Variants in KPNA6 observed in about 807,000 individuals in gnomAD.
KPNA6 encodes karyopherin subunit alpha 6.
KPNA6 carries 9 observed loss-of-function variants against 72.0 expected under a neutral mutation model. The ratio of observed to expected loss-of-function variants is 0.13; its 90% CI spans 0.08 to 0.22. The LOEUF is 0.22. KPNA6 is among the 10% of genes least tolerant of loss of function. The pLI, the probability that KPNA6 is intolerant of heterozygous loss-of-function variation, is 1.00. For synonymous variants in KPNA6, 219 were observed against 242.1 expected (o/e 0.90, Z 0.89); for missense variants, 374 against 655.7 (o/e 0.57, Z 4.69).
Position 32,149,926 on chromosome 1 carries a change from CTTACGGT to C in KPNA6, c.5-4659_5-4653del, listed in dbSNP as rs531976726. ...TTAAAAATGTTTTGTTGTTTTCTGACTTACGGTTTCTGACAAGAAGCTAGGCCATTCT... is the reference window on the plus strand; with the variant it reads ...TTAAAAATGTTTTGTTGTTTTCTGACTTCTGACAAGAAGCTAGGCCATTCT... On this transcript the variant is annotated intron_variant, in intron 1 of 13. Coordinates refer to ENST00000373625, the MANE Select transcript of KPNA6 (RefSeq NM_012316.5). Among the ~76,000 whole-genome samples, 46 of 152,018 alleles carry C rather than the reference CTTACGGT, an allele frequency of 3.0e-4. No homozygotes were observed. The East Asian group carries it at 6.0e-3, about 20-fold the overall frequency.
At chr1:32,162,329 C>T (rs748315683) in intron 8 of KPNA6, 32 bp from the exon 9 acceptor site, 4 of 1,550,724 alleles carry the variant, frequency 2.6e-6, no homozygotes, top group Non-Finnish European at 3.5e-6. Context: ...GTCTTGTTCC[C>T]CTGTGAGTCT....
At chr1:32,121,348 G>A (rs1189378447) in intron 1 of KPNA6, among the ~76,000 whole-genome samples, 1 of 152,194 alleles carries the variant, frequency 6.6e-6, no homozygotes, top group Non-Finnish European at 1.5e-5. Context: ...TCCTATGCCT[G>A]TTGCTTTGAG....
Position 32,172,930 on chromosome 1 carries a change from C to G in KPNA6, c.*2036C>G. On this transcript the variant is annotated 3_prime_UTR_variant, in exon 14 of 14. Coordinates refer to ENST00000373625, the MANE Select transcript of KPNA6 (RefSeq NM_012316.5). ...CAGGTACTTATTATTGGCCATTGAT[C>G]TTGAATTTGCCCTCTCCTAGTGCTG... 1 of 396,710 alleles carries G rather than the reference C, an allele frequency of 2.5e-6. No homozygotes were observed. The highest frequency in any genetic ancestry group is 4.4e-6 in the Non-Finnish European group (1 of 225,392). 24.6% of individuals were successfully genotyped at this position (396,710 alleles called of 1,614,324 possible).
intron 1 of KPNA6, among the ~76,000 whole-genome samples, chr1:32,138,622 G>A (rs897310929): frequency 1.3e-5 from 2 of 151,684 alleles, no homozygotes; most frequent in African/African-American, 4.8e-5. Context: ...CTCCTGCTGA[G>A]AAGAGGACCA....
intron 1 of KPNA6, among the ~76,000 whole-genome samples, chr1:32,151,686 C>A (rs534476820): frequency 6.6e-6 from 1 of 152,298 alleles, no homozygotes; most frequent in African/African-American, 2.4e-5. Context: ...TCACTTAATT[C>A]GTTTCCCTCT....
chr1:32,153,098 G>A (rs1229823638), intron 1 of KPNA6, among the ~76,000 whole-genome samples: 1 of 150,518 alleles, frequency 6.6e-6, no homozygotes, highest in Admixed American at 6.6e-5. Flanking sequence ...AATGTAGAAA[G>A]GGGATAGAAA....
intron 1 of KPNA6, among the ~76,000 whole-genome samples, chr1:32,111,498 A>C (rs1458943026): frequency 6.6e-6 from 1 of 152,142 alleles, no homozygotes; most frequent in Non-Finnish European, 1.5e-5. Context: ...GTCTTTATGA[A>C]TGTCAGCTTT....
rs374418387 is a variant in KPNA6 at position 32,108,092 on chromosome 1, C to T, written c.-39C>T. The T allele has an allele frequency of 4.3e-6, 7 of 1,613,782 alleles. No homozygotes were observed. The highest frequency in any genetic ancestry group is 1.7e-4 in the Middle Eastern group (1 of 6,060). ...TGAAAGCTGCCGCTGAAGCTGCCGC[C>T]GTTGCCTCCGCCGCCAAGAGTGAGC... is the stretch of plus-strand genomic sequence containing the variant. On this transcript the variant is annotated 5_prime_UTR_variant, in exon 1 of 14. Coordinates refer to ENST00000373625, the MANE Select transcript of KPNA6 (RefSeq NM_012316.5).
intron 7 of KPNA6, 33 bp downstream of exon 7, chr1:32,160,736 C>A: frequency 6.4e-7 from 1 of 1,553,328 alleles, no homozygotes; most frequent in South Asian, 1.1e-5. Context: ...ACCTGGGCGT[C>A]TACTGGGTGG....
At chr1:32,134,552 C>G (rs770687670) in intron 1 of KPNA6, among the ~76,000 whole-genome samples, 6 of 151,166 alleles carry the variant, frequency 4.0e-5, no homozygotes, top group Non-Finnish European at 7.4e-5. Flanking sequence ...GCAGGAGAAT[C>G]GCTAGAACCC....
chr1:32,167,727 G>T (rs1041284404), intron 12 of KPNA6, among the ~76,000 whole-genome samples: 1 of 152,078 alleles, frequency 6.6e-6, no homozygotes. Flanking sequence ...TTAGCCGGGC[G>T]TGGTGGCATG....
chr1:32,166,900 T>C (rs1222533008), intron 11 of KPNA6, among the ~76,000 whole-genome samples: 1 of 152,140 alleles, frequency 6.6e-6, no homozygotes, highest in African/African-American at 2.4e-5. Context: ...ATCGCGCCAC[T>C]GCACTCCAGC....
At chr1:32,144,142 CAA>C (rs1641890793) in intron 1 of KPNA6, among the ~76,000 whole-genome samples, 1 of 152,130 alleles carries the variant, frequency 6.6e-6, no homozygotes, top group Non-Finnish European at 1.5e-5. Flanking sequence ...GAACACATAA[CAA>C]TATGCCAGCA....
At chr1:32,162,115 GATACTCC>G in intron 8 of KPNA6, 69 bp downstream of exon 8, 1 of 1,246,480 alleles carries the variant, frequency 8.0e-7, no homozygotes, top group Non-Finnish European at 1.2e-6. Context: ...AAGTCTTTGG[GATACTCC>G]TTGGAGTCTC....
At chr1:32,128,416 TATATATATATACAC>T (rs1484827732) in intron 1 of KPNA6, among the ~76,000 whole-genome samples, 7 of 127,864 alleles carry the variant, frequency 5.5e-5, no homozygotes, top group African/African-American at 2.3e-4. Flanking sequence ...TATATATATA[TATATATATATACAC>T]ACACACACAC....
In KPNA6 at chr1:32,171,417, A is replaced by G. The variant is rs1642435135; in HGVS notation, c.*523A>G. ...AAACAAAGTGTTCTTGCTCTGACAG[A>G]ATATTAATCTTGTACGCTTGGATTG... is the stretch of plus-strand genomic sequence containing the variant. On this transcript the variant is annotated 3_prime_UTR_variant, in exon 14 of 14. Transcript: ENST00000373625. The G allele has an allele frequency of 6.6e-6, 1 of 152,446 alleles. No individual in the cohort carries two copies. Among genetic ancestry groups the G allele is most frequent in the Admixed American group, 6.5e-5 (1 of 15,294 alleles). 9.4% of individuals were successfully genotyped at this position (152,446 alleles called of 1,614,324 possible).
At chr1:32,117,646 TAAA>T (rs377267461) in intron 1 of KPNA6, among the ~76,000 whole-genome samples, 7 of 151,996 alleles carry the variant, frequency 4.6e-5, no homozygotes, top group African/African-American at 1.7e-4. Flanking sequence ...ATAACAACAA[TAAA>T]AAAACACACA....
chr1:32,127,810 A>C (rs1433306211), intron 1 of KPNA6, among the ~76,000 whole-genome samples: 1 of 152,194 alleles, frequency 6.6e-6, no homozygotes, highest in Admixed American at 6.5e-5. Flanking sequence ...CAGTAAAGAG[A>C]GTTCTCACTC....
At chr1:32,115,050 G>T (rs1268347295) in intron 1 of KPNA6, among the ~76,000 whole-genome samples, 1 of 152,140 alleles carries the variant, frequency 6.6e-6, no homozygotes. Context: ...GTGTTGGCCA[G>T]GCTGGTCTCG....
Sources: gnomAD v4.1 joint callset for allele counts (sites outside exome capture counted in the v4.1 genomes callset) on GRCh38, gnomAD v4.1.1 for gene constraint, MANE v1.5 for transcripts, NCBI Gene and HGNC (gene_info 2026-07-23, HGNC 2026-07-21) for gene names.